Variants in SPATA3 observed in about 807,000 individuals in gnomAD.
The protein encoded by SPATA3 is spermatogenesis associated 3, also known as spermatogenesis-associated protein 3.
SPATA3 carries 6 observed loss-of-function variants against 5.7 expected under a neutral mutation model. That is an observed-to-expected ratio of 1.06 (90% CI 0.58 to 2.09). SPATA3 has a LOEUF of 2.09. Among genes scored for constraint, SPATA3 ranks in the 30% most tolerant of loss-of-function variants. The pLI is 0.00. For missense variants in SPATA3, 155 were observed against 130.4 expected (o/e 1.19, Z -0.92); for synonymous variants, 44 against 48.4 (o/e 0.91, Z 0.37).
intron 1 of SPATA3, among the ~76,000 whole-genome samples, chr2:230,997,980 G>A (rs888804308): frequency 2.0e-5 from 3 of 152,166 alleles, no homozygotes; most frequent in African/African-American, 7.2e-5. Context: ...AGCAGACGCT[G>A]GTAGCCCTGA....
At chr2:230,998,833 C>T (rs1692235634) in intron 1 of SPATA3, among the ~76,000 whole-genome samples, 1 of 152,204 alleles carries the variant, frequency 6.6e-6, no homozygotes, top group Non-Finnish European at 1.5e-5. Context: ...CTCAGAGGAA[C>T]ATGAAGTTAC....
chr2:231,006,749 A>AT (rs373935342), downstream of SPATA3: 99 of 152,288 alleles, frequency 6.5e-4, no homozygotes, highest in African/African-American at 2.3e-3. Flanking sequence ...CGACAGTGAC[A>AT]TCTTTCCTTT....
intron 2 of SPATA3, among the ~76,000 whole-genome samples, chr2:231,001,834 T>G (rs545967176): frequency 1.4e-3 from 217 of 152,292 alleles, no homozygotes; most frequent in Middle Eastern, 3.4e-3. Context: ...CAAAGAGCCT[T>G]GTGTCCTCTA....
downstream of SPATA3, among the ~76,000 whole-genome samples, chr2:231,005,598 C>CCATCATCACCATCAT (rs1692594981): frequency 1.3e-5 from 1 of 79,974 alleles, no homozygotes; most frequent in Non-Finnish European, 2.7e-5. Context: ...CTCACCATCA[C>CCATCATCACCATCAT]CATCATCACC....
At chr2:231,002,871 AG>A, downstream of SPATA3, 1 of 891,648 alleles carries the variant, frequency 1.1e-6, no homozygotes. Context: ...TGGTCTCTTC[AG>A]GTGGACCAAG....
intron 1 of SPATA3, 127 bp downstream of exon 1, chr2:230,996,661 T>C (rs1692135815): frequency 2.4e-6 from 3 of 1,270,950 alleles, no homozygotes; most frequent in Admixed American, 5.7e-5. Flanking sequence ...TGCTGTAGAG[T>C]GGGAAGGTTT....
chr2:231,000,453 A>G, exon 2 of SPATA3: 1 of 1,550,060 alleles, frequency 6.5e-7, no homozygotes. Context: ...GGGCTATGCC[A>G]TAGCCGCATC....
At chr2:231,005,502 T>TGC (rs1692578851), downstream of SPATA3, among the ~76,000 whole-genome samples, 1 of 33,828 alleles carries the variant, frequency 3.0e-5, no homozygotes, top group African/African-American at 1.1e-4. Flanking sequence ...ACCACCATCA[T>TGC]CACCACCACC....
intron 6 of SPATA3, among the ~76,000 whole-genome samples, chr2:231,016,187 A>C (rs1014868912): frequency 4.6e-4 from 70 of 152,200 alleles, no homozygotes; most frequent in African/African-American, 1.7e-3. Context: ...CTCAAATCTA[A>C]TGAGCCAGAC....
exon 2 of SPATA3, chr2:231,000,391 T>A (rs1402589630): frequency 1.3e-6 from 2 of 1,530,352 alleles, no homozygotes; most frequent in Non-Finnish European, 1.8e-6. Flanking sequence ...CCGGCCCGCA[T>A]TCCTGCTCCT....
chr2:230,998,328 T>C (rs1238335002), intron 1 of SPATA3, among the ~76,000 whole-genome samples: 2 of 152,234 alleles, frequency 1.3e-5, no homozygotes, highest in African/African-American at 4.8e-5. Context: ...CCATACTATA[T>C]GTTGTAAAGA....
At chr2:231,008,343 G>A (rs759665873), downstream of SPATA3, among the ~76,000 whole-genome samples, 2 of 152,216 alleles carry the variant, frequency 1.3e-5, no homozygotes, top group Non-Finnish European at 2.9e-5. Flanking sequence ...CGGTGACAGC[G>A]GCATATGGTG....
intron 6 of SPATA3, among the ~76,000 whole-genome samples, chr2:231,017,464 C>A (rs1173677373): frequency 2.0e-5 from 3 of 152,214 alleles, no homozygotes; most frequent in African/African-American, 7.2e-5. Context: ...CTATAATTCA[C>A]TCTAATTGGA....
chr2:231,018,906 G>A (rs1336724160), intron 6 of SPATA3, among the ~76,000 whole-genome samples: 1 of 151,108 alleles, frequency 6.6e-6, no homozygotes, highest in Non-Finnish European at 1.5e-5. Flanking sequence ...GGCTGGTCTT[G>A]AATTCCTGAC....
At chr2:231,005,437 A>T (rs866624507), downstream of SPATA3, among the ~76,000 whole-genome samples, 1 of 18,032 alleles carries the variant, frequency 5.5e-5, no homozygotes, top group Non-Finnish European at 1.1e-4. Flanking sequence ...CCACCACCAC[A>T]ATCACCACCA....
exon 2 of SPATA3, chr2:231,000,467 G>T (rs1267145919): frequency 1.3e-6 from 2 of 1,550,024 alleles, no homozygotes; most frequent in Non-Finnish European, 8.7e-7. Flanking sequence ...CCGCATCTTC[G>T]ATGTCCTTCT....
chr2:230,996,519 C>T, intron 1 of SPATA3: 1 of 1,551,924 alleles, frequency 6.4e-7, no homozygotes, highest in Non-Finnish European at 8.7e-7. Flanking sequence ...GGCAGCCCCT[C>T]AATCCAGGAA....
chr2:231,002,736 C>T (rs1692401209), exon 3 of SPATA3: 2 of 1,532,856 alleles, frequency 1.3e-6, no homozygotes, highest in East Asian at 2.6e-5. Flanking sequence ...TCCAAGCCCT[C>T]GGAACTGTGG....
intron 6 of SPATA3, among the ~76,000 whole-genome samples, chr2:231,019,123 C>A (rs1205832236): frequency 8.3e-6 from 1 of 119,824 alleles, no homozygotes; most frequent in Admixed American, 8.3e-5. Context: ...CCCGCCACAA[C>A]GCTTGGCTAA....
Sources: gnomAD v4.1 joint callset for allele counts (sites outside exome capture counted in the v4.1 genomes callset) on GRCh38, gnomAD v4.1.1 for gene constraint, MANE v1.5 for transcripts, NCBI Gene and HGNC (gene_info 2026-07-23, HGNC 2026-07-21) for gene names.